The following ABHD3 variants were observed in gnomAD, a reference collection of about 807,000 sequenced individuals.
ABHD3 encodes phospholipase ABHD3.
A neutral mutation model predicts 48.8 loss-of-function variants in ABHD3; 46 were observed. The ratio of observed to expected loss-of-function variants is 0.94; its 90% CI spans 0.74 to 1.20. ABHD3 has a LOEUF of 1.20. Among genes scored for constraint, ABHD3 ranks in the 50% most tolerant of loss-of-function variants. The pLI is 0.00. For synonymous variants in ABHD3, 192 were observed against 183.7 expected (o/e 1.04, Z -0.36); for missense variants, 490 against 497.8 (o/e 0.98, Z 0.15).
chr18:21,661,035 A>C (rs1489942197), intron 5 of ABHD3, among the ~76,000 whole-genome samples: 12 of 151,612 alleles, frequency 7.9e-5, no homozygotes, highest in Non-Finnish European at 1.5e-4. Flanking sequence ...TGTTATCCCC[A>C]AAAAGACTGT....
At chr18:21,702,995 A>G (rs187112217) in intron 2 of ABHD3, among the ~76,000 whole-genome samples, 286 of 152,304 alleles carry the variant, frequency 1.9e-3, no homozygotes, top group South Asian at 2.9e-3. Context: ...TTTCCCAAAC[A>G]AACAGTGCAA....
chr18:21,703,761 CA>C lies in ABHD3; in HGVS notation c.163-15del. 1 of 1,611,444 alleles carries C rather than the reference CA, an allele frequency of 6.2e-7. No homozygotes were observed. Among genetic ancestry groups the C allele is most frequent in the Non-Finnish European group, 8.5e-7 (1 of 1,178,086 alleles). ...TAACTGGGGTTTCTGAAGGGAAAAG[CA>C]GTATCAGAGAAGGGCCCAGAGCAAA... On this transcript the variant is annotated splice_polypyrimidine_tract_variant and intron_variant, in intron 1 of 8. Coordinates refer to ENST00000289119, the MANE Select transcript of ABHD3 (RefSeq NM_138340.5).
At chr18:21,691,723 C>T (rs1331686881) in intron 3 of ABHD3, among the ~76,000 whole-genome samples, 1 of 152,150 alleles carries the variant, frequency 6.6e-6, no homozygotes, top group Non-Finnish European at 1.5e-5. Context: ...GATTTATTTG[C>T]CTGTCATGTC....
rs1429656491 is a variant in ABHD3, at chr18:21,664,151, G to C, written c.635C>G (p.Ala212Gly). 6.2e-7 allele frequency: 1 copy of C among 1,613,556 alleles called. No homozygotes were observed. The highest frequency in any genetic ancestry group is 8.5e-7 in the Non-Finnish European group (1 of 1,179,932). Residue 212 changes from alanine (A) to glycine (G), a missense_variant, in exon 5 of 9, where the codon GCT (alanine) becomes GGT (glycine). Physicochemically the swap from Ala to Gly is moderately conservative, Grantham distance 60. Coordinates refer to ENST00000289119, the MANE Select transcript of ABHD3 (RefSeq NM_138340.5). ...TGAAACCCCTGCTGCCAGGAAAGGA[G>C]CAGAAGGGTACAGGCTGTGTACATG... ...IHHVHSLYPS[A>G]PFLAAGVSMG... is the part of the protein sequence containing the mutation.
chr18:21,668,884 T>C (rs1009600326), intron 4 of ABHD3, among the ~76,000 whole-genome samples: 1 of 152,184 alleles, frequency 6.6e-6, no homozygotes, highest in Non-Finnish European at 1.5e-5. Flanking sequence ...TATAGCCGTA[T>C]AGCCCCAGCT....
At chr18:21,693,286 A>G (rs992013092) in intron 3 of ABHD3, among the ~76,000 whole-genome samples, 2 of 152,162 alleles carry the variant, frequency 1.3e-5, no homozygotes, top group Non-Finnish European at 2.9e-5. Flanking sequence ...CACGCAATCC[A>G]CACAACCCTG....
intron 3 of ABHD3, among the ~76,000 whole-genome samples, chr18:21,697,084 T>C (rs893010908): frequency 4.0e-5 from 6 of 151,216 alleles, no homozygotes; most frequent in Non-Finnish European, 7.4e-5. Context: ...CTTTTTTTTT[T>C]TTTTTTTTTG....
Position 21,703,693 on chromosome 18 carries a change from A to C in ABHD3, c.217T>G (p.Cys73Gly), listed in dbSNP as rs748455646. 4 of 1,614,120 alleles carry C rather than the reference A, an allele frequency of 2.5e-6. No homozygotes were observed. Among genetic ancestry groups the C allele is most frequent in the Non-Finnish European group, 3.4e-6 (4 of 1,180,018 alleles). ...ESFSRFLQDH[C>G]PVVTETYYPT... ...TAGTACGTTTCTGTAACCACGGGAC[A>C]GTGGTCTTGAAGGAAGCGGCTGAAA... The change falls in exon 2 of 9, where the codon TGT becomes GGT. Residue 73 changes from cysteine (C) to glycine (G), a missense_variant. By Grantham distance (159) the Cys-to-Gly change is radical. Transcript: ENST00000289119.
At chr18:21,679,310 C>T (rs939145252) in intron 4 of ABHD3, among the ~76,000 whole-genome samples, 5 of 151,946 alleles carry the variant, frequency 3.3e-5, no homozygotes, top group East Asian at 1.9e-4. Flanking sequence ...CTCTAATAAT[C>T]GATATTAGCA....
intron 5 of ABHD3, chr18:21,662,260 A>G (rs1358131852): frequency 6.6e-6 from 1 of 151,896 alleles, no homozygotes; most frequent in African/African-American, 2.4e-5. Flanking sequence ...ATGCACCATC[A>G]TGCCCGGCTA....
At position 21,702,315 on chromosome 18, in the gene ABHD3, C is replaced by T; in HGVS notation, c.509+1G>A. ...AAAAAAAAGAAATCTTTTACTGGTA[C>T]CTGTATCCTAATTCTTCACTAAGAT... On this transcript the variant is annotated splice_donor_variant, in intron 3 of 8. Coordinates refer to ENST00000289119, the MANE Select transcript of ABHD3 (RefSeq NM_138340.5). LOFTEE classifies it high-confidence loss of function. 1.9e-6 allele frequency: 3 copies of T among 1,577,350 alleles called. No homozygotes were observed. Among genetic ancestry groups the T allele is most frequent in the Non-Finnish European group, 2.6e-6 (3 of 1,158,724 alleles).
At chr18:21,655,964 C>T (rs1431623778) in intron 8 of ABHD3, among the ~76,000 whole-genome samples, 1 of 151,234 alleles carries the variant, frequency 6.6e-6, no homozygotes, top group African/African-American at 2.4e-5. Context: ...TGAGACCAGC[C>T]TGGCCAATAT....
intron 4 of ABHD3, chr18:21,682,816 G>A (rs1326451146): frequency 6.6e-6 from 1 of 152,222 alleles, no homozygotes; most frequent in Non-Finnish European, 1.5e-5. Context: ...CAGGGCCACA[G>A]TGACACATTC....
chr18:21,667,999 G>T (rs991808882), intron 4 of ABHD3, among the ~76,000 whole-genome samples: 3 of 151,412 alleles, frequency 2.0e-5, no homozygotes, highest in Non-Finnish European at 4.4e-5. Context: ...TCAAGAGTTC[G>T]AGACCAGCCT....
intron 6 of ABHD3, 141 bp downstream of exon 6, chr18:21,659,029 C>T (rs528109466): frequency 1.2e-4 from 87 of 741,874 alleles, no homozygotes; most frequent in African/African-American, 1.1e-3. Context: ...TTGGTAGAGA[C>T]GGGGTTTCAC....
intron 3 of ABHD3, among the ~76,000 whole-genome samples, chr18:21,691,680 C>T (rs571726059): frequency 7.2e-5 from 11 of 152,262 alleles, no homozygotes; most frequent in African/African-American, 2.6e-4. Context: ...TCAACTCTTT[C>T]CCTATAAAAT....
At chr18:21,690,128 A>G (rs1349401724) in intron 3 of ABHD3, among the ~76,000 whole-genome samples, 1 of 152,092 alleles carries the variant, frequency 6.6e-6, no homozygotes, top group South Asian at 2.1e-4. Context: ...AATTTAAAAA[A>G]AAAAAAGAAA....
chr18:21,691,296 A>C (rs2040246808), intron 3 of ABHD3, among the ~76,000 whole-genome samples: 1 of 152,252 alleles, frequency 6.6e-6, no homozygotes, highest in Admixed American at 6.5e-5. Flanking sequence ...AATAGAATTA[A>C]ATGGAGAAAC....
intron 3 of ABHD3, among the ~76,000 whole-genome samples, chr18:21,697,546 ATTGT>A (rs1422819428): frequency 6.6e-6 from 1 of 151,892 alleles, no homozygotes; most frequent in Non-Finnish European, 1.5e-5. Context: ...TGCCCGGCTA[ATTGT>A]TTGTATTTTT....
Sources: allele counts gnomAD v4.1 joint callset (sites outside exome capture counted in the v4.1 genomes callset), GRCh38; gene constraint gnomAD v4.1.1; transcripts MANE v1.5; gene names NCBI Gene and HGNC (gene_info 2026-07-23, HGNC 2026-07-21).